The following ANO10 variants were observed in gnomAD, a reference collection of about 807,000 sequenced individuals.
ANO10 encodes anoctamin 10.
Under a neutral mutation model 74.7 loss-of-function variants are expected in ANO10, and 77 were observed. The observed-to-expected ratio is 1.03, with a 90% CI of 0.86 to 1.25. ANO10 has a LOEUF of 1.25. Among genes scored for constraint, ANO10 ranks in the 50% most tolerant of loss-of-function variants. The pLI, the probability that ANO10 is intolerant of heterozygous loss-of-function variation, is 0.00. For missense variants in ANO10, 721 were observed against 778.1 expected, an observed-to-expected ratio of 0.93 and a Z score of 0.87; for synonymous variants, 279 against 284.9, an observed-to-expected ratio of 0.98 and a Z score of 0.21.
At chr3:43,410,313 C>A (rs2092644793) in intron 12 of ANO10, among the ~76,000 whole-genome samples, 1 of 151,994 alleles carries the variant, frequency 6.6e-6, no homozygotes. Flanking sequence ...TACAGTGGTA[C>A]AATTATAGCT....
At chr3:43,688,115 C>T (rs552756643) in intron 1 of ANO10, among the ~76,000 whole-genome samples, 4 of 152,160 alleles carry the variant, frequency 2.6e-5, no homozygotes, top group Non-Finnish European at 5.9e-5. Context: ...TTGTCAGTTT[C>T]TGCATAAACT....
At chr3:43,645,506 T>A (rs917628698) in intron 1 of ANO10, among the ~76,000 whole-genome samples, 1 of 148,480 alleles carries the variant, frequency 6.7e-6, no homozygotes, top group Non-Finnish European at 1.5e-5. Flanking sequence ...AAAAAAAAAA[T>A]TTAAGGTTGA....
At chr3:43,468,335 C>T (rs2075715339) in intron 11 of ANO10, among the ~76,000 whole-genome samples, 1 of 152,138 alleles carries the variant, frequency 6.6e-6, no homozygotes, top group Admixed American at 6.6e-5. Context: ...TTGGGAAATG[C>T]TGAAAGGCTT....
intron 11 of ANO10, among the ~76,000 whole-genome samples, chr3:43,520,434 T>C (rs76538367): frequency 0.025 from 3,751 of 152,206 alleles, 152 homozygotes; most frequent in African/African-American, 0.084. Flanking sequence ...TTTAGGGGGA[T>C]AGAAACAGAC....
At chr3:43,601,092 T>C (rs887709450) in intron 2 of ANO10, among the ~76,000 whole-genome samples, 1 of 152,214 alleles carries the variant, frequency 6.6e-6, no homozygotes, top group African/African-American at 2.4e-5. Context: ...TTCTATTTGG[T>C]TTAATAATTT....
At chr3:43,503,639 C>T (rs552838968) in intron 11 of ANO10, among the ~76,000 whole-genome samples, 9 of 152,312 alleles carry the variant, frequency 5.9e-5, no homozygotes, top group African/African-American at 9.6e-5. Flanking sequence ...ACATAAAAAA[C>T]GAATTTACTC....
chr3:43,389,418 TC>T (rs2092216621), intron 12 of ANO10, among the ~76,000 whole-genome samples: 1 of 152,214 alleles, frequency 6.6e-6, no homozygotes, highest in Non-Finnish European at 1.5e-5. Flanking sequence ...TTTTAGGAGC[TC>T]ATGGTCAGCT....
chr3:43,576,636 C>G, intron 6 of ANO10, 56 bp downstream of exon 6: 2 of 1,569,000 alleles, frequency 1.3e-6, no homozygotes, highest in Non-Finnish European at 1.8e-6. Flanking sequence ...ATCCCATGAT[C>G]TAGGCAACAT....
chr3:43,627,805 CAT>C (rs146981052), intron 1 of ANO10, among the ~76,000 whole-genome samples: 5 of 151,092 alleles, frequency 3.3e-5, no homozygotes, highest in South Asian at 4.2e-4. Context: ...AGTTGCTGCA[CAT>C]ATATATATAT....
chr3:43,639,365 C>T (rs891861326), intron 1 of ANO10, among the ~76,000 whole-genome samples: 4 of 152,224 alleles, frequency 2.6e-5, no homozygotes, highest in Non-Finnish European at 5.9e-5. Context: ...CTCCCGTCCA[C>T]ACCCTTGCTA....
chr3:43,690,924 G>A, intron 1 of ANO10: 3 of 1,505,850 alleles, frequency 2.0e-6, no homozygotes, highest in South Asian at 1.2e-5. Flanking sequence ...TGCCGCGCCA[G>A]CCCGGGGCGG....
At chr3:43,493,724 A>G (rs1285533484) in intron 11 of ANO10, among the ~76,000 whole-genome samples, 2 of 152,214 alleles carry the variant, frequency 1.3e-5, no homozygotes, top group African/African-American at 4.8e-5. Flanking sequence ...AATAAAAATC[A>G]TTTATTACAA....
At chr3:43,666,377 G>A (rs949008751) in intron 1 of ANO10, among the ~76,000 whole-genome samples, 3 of 152,062 alleles carry the variant, frequency 2.0e-5, no homozygotes, top group South Asian at 2.1e-4. Context: ...ACTAAACCTC[G>A]TAATTAGTTT....
In ANO10 at chr3:43,577,264, A is replaced by G. The variant is rs772401328; in HGVS notation, c.593-3T>C. ...CCCAAAGTAGCCACGAATACTGTCT[A>G]TAGTGGAAACAAAGAAAGAACATAA... On this transcript the variant is annotated splice_region_variant and splice_polypyrimidine_tract_variant and intron_variant, in intron 5 of 12. Coordinates refer to ENST00000292246, the MANE Select transcript of ANO10 (RefSeq NM_018075.5). 1 of 1,613,228 alleles carries G rather than the reference A, an allele frequency of 6.2e-7. No individual in the cohort carries two copies. Among genetic ancestry groups the G allele is most frequent in the Admixed American group, 1.7e-5 (1 of 59,998 alleles).
intron 12 of ANO10, among the ~76,000 whole-genome samples, chr3:43,405,461 T>A (rs553979198): frequency 6.6e-6 from 1 of 152,226 alleles, no homozygotes; most frequent in East Asian, 1.9e-4. Flanking sequence ...TATGAGAAAC[T>A]GGCAAATTAT....
intron 6 of ANO10, 137 bp from the exon 7 acceptor site, chr3:43,575,001 A>G (rs2080928334): frequency 1.2e-5 from 9 of 724,468 alleles, no homozygotes; most frequent in Non-Finnish European, 2.3e-5. Flanking sequence ...TAGGCTGTCA[A>G]TCACAGCTAT....
rs1166536446 is a variant in ANO10 at position 43,469,369 on chromosome 3, G to GC, written c.1798-36643dup. On this transcript the variant is annotated intron_variant, in intron 11 of 12. Coordinates refer to ENST00000292246, the MANE Select transcript of ANO10 (RefSeq NM_018075.5). Reference sequence around the variant, plus strand: ...CCTAATCAGCTGCTTTTAGTGATTTGCCCCGCGGACAATTCCTTCAGGTTT... The same window carrying GC: ...CCTAATCAGCTGCTTTTAGTGATTTGCCCCCGCGGACAATTCCTTCAGGTTT... 2.0e-5 allele frequency among the ~76,000 whole-genome samples: 3 copies of GC among 152,132 alleles called. No homozygotes were observed. The East Asian group carries it at 5.8e-4, about 29-fold the overall frequency.
At chr3:43,533,816 A>G (rs1302789960) in intron 11 of ANO10, among the ~76,000 whole-genome samples, 1 of 152,228 alleles carries the variant, frequency 6.6e-6, no homozygotes, top group Non-Finnish European at 1.5e-5. Flanking sequence ...TAAATTCCAA[A>G]GTTCAATAGC....
intron 11 of ANO10, among the ~76,000 whole-genome samples, chr3:43,438,747 TA>T (rs34487959): frequency 0.2 from 27,938 of 143,186 alleles, 3,046 homozygotes; most frequent in Middle Eastern, 0.37. Context: ...AACTCTGTCT[TA>T]AAAAAAAAAA....
Sources: gnomAD v4.1 joint callset for allele counts (sites outside exome capture counted in the v4.1 genomes callset) on GRCh38, gnomAD v4.1.1 for gene constraint, MANE v1.5 for transcripts, NCBI Gene and HGNC (gene_info 2026-07-23, HGNC 2026-07-21) for gene names.